MDC1: variants seen among roughly 807,000 people sequenced by gnomAD.
MDC1 encodes mediator of DNA damage checkpoint protein 1.
In MDC1, 81 loss-of-function variants were observed where a neutral mutation model predicts 142.5. The observed-to-expected ratio is 0.57, with a 90% CI of 0.47 to 0.68. The LOEUF (loss-of-function observed/expected upper bound fraction) is 0.68, where lower values mean the gene tolerates loss of function less well. Among genes scored for constraint, MDC1 ranks in the 30% least tolerant of loss-of-function variants. The probability of loss-of-function intolerance (pLI) is 0.00; values close to 1 mark genes in which losing one functional copy is unlikely to be tolerated. For synonymous variants in MDC1, 797 were observed against 968.4 expected (o/e 0.82, Z 3.29); for missense variants, 2,119 against 2,547.9 (o/e 0.83, Z 3.62).
chr6:30,717,189 T>G (rs1775761654), intron 1 of MDC1, 56 bp downstream of exon 1: 1 of 152,260 alleles, frequency 6.6e-6, no homozygotes, highest in Non-Finnish European at 1.5e-5. Context: ...CCTCCCGCCT[T>G]CTGGGGGAAC....
chr6:30,712,316 CT>C lies in MDC1; in HGVS notation c.1625del (p.Gln542ArgfsTer12). On this transcript the variant is annotated frameshift_variant, in exon 5 of 15. Coordinates refer to ENST00000376406, the MANE Select transcript of MDC1 (RefSeq NM_014641.3). LOFTEE classifies it high-confidence loss of function. This position sits in a 1 kb window ranked among gnomAD's most constrained non-coding sequence, Gnocchi z 4.7. Reference protein sequence around the residue: ...GSAIIHIKKHQVSVEGTNQTD... With the variant: ...GSAIIHIKKHXVSVEGTNQTD... ...TTTGATTTGTCCCCTCCACAGACAC[CT>C]GATGCTTCTTTATATGTATAATGGC... The C allele has an allele frequency of 6.2e-7, 1 of 1,613,116 alleles. No homozygotes were observed. Among genetic ancestry groups the C allele is most frequent in the Non-Finnish European group, 8.5e-7 (1 of 1,180,046 alleles).
rs1432503110 is a variant in MDC1, at chr6:30,714,121, G to T, written c.199C>A (p.Pro67Thr). 3 of 1,612,264 alleles carry T rather than the reference G, an allele frequency of 1.9e-6. No individual in the cohort carries two copies. Among genetic ancestry groups the T allele is most frequent in the South Asian group, 1.1e-5 (1 of 91,070 alleles). ...GRMPDCSVAL[P>T]FPSISKQHAE... ...TGTTGTTTGGAGATAGATGGAAAGG[G>T]CAGGGCCACAGAGCAGTCAGGCATT... The change falls in exon 3 of 15, where the codon CCC becomes ACC. Residue 67 changes from proline (P) to threonine (T), a missense_variant. Physicochemically the swap from Pro to Thr is conservative, Grantham distance 38 (BLOSUM62 -1). Transcript: ENST00000376406.
Position 30,716,836 on chromosome 6 carries a change from G to A in MDC1, c.-4+409C>T, listed in dbSNP as rs1775730414. 3 of 916,262 alleles carry A rather than the reference G, an allele frequency of 3.3e-6. No homozygotes were observed. In the South Asian group the frequency reaches 1.5e-4, roughly 46 times the overall value. 56.8% of individuals were successfully genotyped at this position (916,262 alleles called of 1,614,324 possible). On this transcript the variant is annotated intron_variant, in intron 1 of 14. Coordinates refer to ENST00000376406, the MANE Select transcript of MDC1 (RefSeq NM_014641.3). The surrounding 1 kb of genome is among the most constrained non-coding windows in gnomAD (Gnocchi z 4.4). ...AAGGCTCATCACCGAGCCTACTGAT[G>A]AAGGAACAAATGAGATGGAAAGAAA... is the stretch of plus-strand genomic sequence containing the variant.
At chr6:30,711,357 GA>G (rs899025991) in intron 7 of MDC1, 54 bp downstream of exon 7, 13 of 1,486,504 alleles carry the variant, frequency 8.7e-6, no homozygotes, top group Non-Finnish European at 1.2e-5. Context: ...AGTGACAGAG[GA>G]AAAAAAAGAG....
Position 30,715,430 on chromosome 6 carries a change from C to T in MDC1, c.-3-252G>A, listed in dbSNP as rs751337693. Among the ~76,000 whole-genome samples, 9 of 152,164 alleles carry T rather than the reference C, an allele frequency of 5.9e-5. No homozygotes were observed. The highest frequency in any genetic ancestry group is 1.7e-4 in the African/African-American group (7 of 41,424). On this transcript the variant is annotated intron_variant, in intron 1 of 14. Coordinates refer to ENST00000376406, the MANE Select transcript of MDC1 (RefSeq NM_014641.3). This position sits in a 1 kb window ranked among gnomAD's most constrained non-coding sequence, Gnocchi z 4.1. ...TGGGCCCACGGCAACCTCTGCCTCC[C>T]GGGTTTCAAGCAATTCTCTCACCTC...
Position 30,714,111 on chromosome 6 carries a change from G to A in MDC1, c.209C>T (p.Ser70Phe). ...AATCTCTGCATGTTGTTTGGAGATAGATGGAAAGGGCAGGGCCACAGAGCA... is the reference window on the plus strand; with the variant it reads ...AATCTCTGCATGTTGTTTGGAGATAAATGGAAAGGGCAGGGCCACAGAGCA... ...PDCSVALPFP[S>F]ISKQHAEIEI... The change falls in exon 3 of 15, where the codon TCT becomes TTT. Residue 70 changes from serine to phenylalanine, a missense_variant. Transcript: ENST00000376406. The A allele has an allele frequency of 6.2e-7, 1 of 1,612,632 alleles. No individual in the cohort carries two copies. The highest frequency in any genetic ancestry group is 1.1e-5 in the South Asian group (1 of 91,074).
At position 30,704,565 on chromosome 6, in the gene MDC1, A is replaced by G. The variant is rs3130645; in HGVS notation, c.4618T>C (p.Ser1540Pro). ...VVPAAPELQP[S>P]TSTDQPVTPE... Reference sequence around the variant, plus strand: ...GTGACAGGTTGGTCTGTGGAGGTGGAAGGCTGGAGCTCAGGGGCTGCGGGC... The same window carrying G: ...GTGACAGGTTGGTCTGTGGAGGTGGGAGGCTGGAGCTCAGGGGCTGCGGGC... The change falls in exon 10 of 15, where the codon TCC (serine) becomes CCC (proline). Residue 1540 changes from serine (S) to proline (P), a missense_variant. Physicochemically the swap from Ser to Pro is moderately conservative, Grantham distance 74. Coordinates refer to ENST00000376406, the MANE Select transcript of MDC1 (RefSeq NM_014641.3). The G allele has an allele frequency of 0.072, 115,921 of 1,609,282 alleles. 6,459 individuals are homozygous for G. Among genetic ancestry groups the G allele is most frequent in the African/African-American group, 0.29 (21,293 of 73,782 alleles).
At chr6:30,714,874 G>A (rs1775439203) in intron 2 of MDC1, among the ~76,000 whole-genome samples, 166 bp downstream of exon 2, 1 of 151,700 alleles carries the variant, frequency 6.6e-6, no homozygotes, top group Non-Finnish European at 1.5e-5. Context: ...TGAGTCCAGG[G>A]TAGTAGTCTG....
In MDC1 at chr6:30,708,038, T is replaced by C; in HGVS notation, c.2541A>G (p.Thr847=). 1 of 1,613,116 alleles carries C rather than the reference T, an allele frequency of 6.2e-7. No individual in the cohort carries two copies. The highest frequency in any genetic ancestry group is 8.5e-7 in the Non-Finnish European group (1 of 1,180,020). The change falls in exon 8 of 15, where the codon ACA becomes ACG. Residue 847 remains threonine (T), a synonymous_variant. Transcript: ENST00000376406. ...TCCCCTTGGTTAATTCTTCCTCTCC[T>C]GTCACATCTGTCTGTCTTTCTGGTA... ...KLLPERQTDV[T]GEEELTKGKQ...
rs1340750587 is a variant in MDC1 at position 30,705,199 on chromosome 6, T to C, written c.3984A>G (p.Thr1328=). The change falls in exon 10 of 15, where the codon ACA becomes ACG. Residue 1328 remains threonine, a synonymous_variant. Coordinates refer to ENST00000376406, the MANE Select transcript of MDC1 (RefSeq NM_014641.3). ...SVKTPETVVP[T]APELQISTST... ...AGGTGGAAATCTGGAGCTCAGGGGCTGTGGGGACAACTGTTTCAGGGGTCT... is the reference window on the plus strand; with the variant it reads ...AGGTGGAAATCTGGAGCTCAGGGGCCGTGGGGACAACTGTTTCAGGGGTCT... 5 of 1,593,390 alleles carry C rather than the reference T, an allele frequency of 3.1e-6. No individual in the cohort carries two copies. Among genetic ancestry groups the C allele is most frequent in the Non-Finnish European group, 4.3e-6 (5 of 1,170,934 alleles).
At position 30,715,281 on chromosome 6, in the gene MDC1, C is replaced by A. The variant is rs115280377; in HGVS notation, c.-3-103G>T. On this transcript the variant is annotated intron_variant, in intron 1 of 14. Transcript: ENST00000376406. The surrounding 1 kb of genome is among the most constrained non-coding windows in gnomAD (Gnocchi z 4.1). ...AGGGGGTAAACTGGATCATTATGAA[C>A]GTTGATGCTTCTCTTTCCACCAATC... 4 of 1,202,260 alleles carry A rather than the reference C, an allele frequency of 3.3e-6. No individual in the cohort carries two copies. The highest frequency in any genetic ancestry group is 1.9e-5 in the Admixed American group (1 of 53,558). The allele number at this position is 1,202,260 out of a possible 1,614,324, so 74.5% of individuals were successfully genotyped here. A position where few individuals can be genotyped will look rare whatever the true frequency, so the allele number is the denominator to read the frequency against.
rs1320293478 is a variant in MDC1, at chr6:30,713,350, C to T, written c.592G>A (p.Glu198Lys). Residue 198 changes from glutamate to lysine, a missense_variant, in exon 5 of 15, where the codon GAA becomes AAA. By Grantham distance (56) the Glu-to-Lys change is moderately conservative. Transcript: ENST00000376406. The surrounding 1 kb of genome is among the most constrained non-coding windows in gnomAD (Gnocchi z 4.9). Reference protein sequence around the residue: ...SSSVIVPESDEEGHSPVLGGL... With the variant: ...SSSVIVPESDKEGHSPVLGGL... The stretch of plus-strand genomic sequence containing the variant: ...CCCAGGACCGGGGAATGCCCCTCTT[C>T]ATCACTGTGAAGGGAAGAAAAGAGA... The T allele has an allele frequency of 6.4e-7, 1 of 1,571,654 alleles. No individual in the cohort carries two copies. The highest frequency in any genetic ancestry group is 2.2e-5 in the East Asian group (1 of 44,588).
At chr6:30,706,431 C>G (rs1773832651) in intron 9 of MDC1, among the ~76,000 whole-genome samples, 1 of 151,974 alleles carries the variant, frequency 6.6e-6, no homozygotes, top group Admixed American at 6.6e-5. Flanking sequence ...ACCATCCTGG[C>G]TAACACGGTG....
chr6:30,713,220 G>C lies in MDC1; in HGVS notation c.722C>G (p.Ala241Gly). Residue 241 changes from alanine (A) to glycine (G), a missense_variant, in exon 5 of 15, where the codon GCC (alanine) becomes GGC (glycine). By Grantham distance (60) the Ala-to-Gly change is moderately conservative. Transcript: ENST00000376406. This position sits in a 1 kb window ranked among gnomAD's most constrained non-coding sequence, Gnocchi z 4.9. ...EEASSAARRG[A>G]TVEAKQSEAE... ...TTCAGACTGCTTTGCCTCTACAGTG[G>C]CACCTCTTCTGGCAGCTGAGGAGGC... The C allele has an allele frequency of 6.2e-7, 1 of 1,613,084 alleles. No individual in the cohort carries two copies. Among genetic ancestry groups the C allele is most frequent in the Non-Finnish European group, 8.5e-7 (1 of 1,180,012 alleles).
rs546492252 is a variant in MDC1, at chr6:30,703,197, G to A, written c.5772C>T (p.Ser1924=). 5.6e-6 allele frequency: 9 copies of A among 1,613,046 alleles called. No homozygotes were observed. In the East Asian group the frequency reaches 2.0e-4, roughly 36 times the overall value. The change falls in exon 12 of 15, where the codon TCC becomes TCT. Residue 1924 remains serine (S), a synonymous_variant. Transcript: ENST00000376406. The surrounding 1 kb of genome is among the most constrained non-coding windows in gnomAD (Gnocchi z 4.4). ...GGCGGATGCGATCAGTGACCAGGTG[G>A]GAAGCCTCTGCCGCTGAACCAGCCA... is the stretch of plus-strand genomic sequence containing the variant. ...GSLAGSAAEA[S]HLVTDRIRRT...
At position 30,700,357 on chromosome 6, in the gene MDC1, T is replaced by A; in HGVS notation, c.*108A>T. The A allele has an allele frequency of 8.7e-7, 1 of 1,153,796 alleles. No individual in the cohort carries two copies. Among genetic ancestry groups the A allele is most frequent in the Non-Finnish European group, 1.2e-6 (1 of 844,762 alleles). The allele number at this position is 1,153,796 out of a possible 1,614,324, so 71.5% of individuals were successfully genotyped here. ...TAAAGATTTCTGGTCCCACCCATGT[T>A]CCAGGACAAGTTGTATCAATATACC... is the stretch of plus-strand genomic sequence containing the variant. On this transcript the variant is annotated 3_prime_UTR_variant, in exon 15 of 15. Transcript: ENST00000376406.
rs1490752531 is a variant in MDC1 at position 30,709,717 on chromosome 6, T to G, written c.2222-1360A>C. On this transcript the variant is annotated intron_variant, in intron 7 of 14. Transcript: ENST00000376406. This position sits in a 1 kb window ranked among gnomAD's most constrained non-coding sequence, Gnocchi z 4.2. ...ACCACCATTCTACTCTCTACTTCCATGAGATCCATGTTTTTAGCTCCCACA... is the reference window on the plus strand; with the variant it reads ...ACCACCATTCTACTCTCTACTTCCAGGAGATCCATGTTTTTAGCTCCCACA... 1.3e-5 allele frequency among the ~76,000 whole-genome samples: 2 copies of G among 152,272 alleles called. No homozygotes were observed. The highest frequency in any genetic ancestry group is 2.9e-5 in the Non-Finnish European group (2 of 68,008).
intron 14 of MDC1, among the ~76,000 whole-genome samples, chr6:30,702,256 C>CAAAAAAAA (rs57764077): frequency 3.0e-4 from 18 of 59,126 alleles, no homozygotes; most frequent in African/African-American, 7.5e-4. Flanking sequence ...GACTCCATCT[C>CAAAAAAAA]AAAAAAAAAA....
In MDC1 at chr6:30,702,851, G is replaced by C; in HGVS notation, c.5892C>G (p.Pro1964=). 1 of 1,613,098 alleles carries C rather than the reference G, an allele frequency of 6.2e-7. No homozygotes were observed. The highest frequency in any genetic ancestry group is 1.7e-5 in the Admixed American group (1 of 60,022). Residue 1964 remains proline, a synonymous_variant, in exon 13 of 15, where the codon CCC becomes CCG. Transcript: ENST00000376406. ...GGTCGGTCACCACATATTCATCCGG[G>C]GGTAAGAAGAAACCAGCCTTGCGGG... ...HQSRKAGFFL[P]PDEYVVTDPE...
Sources: gnomAD v4.1 joint callset for allele counts (sites outside exome capture counted in the v4.1 genomes callset) on GRCh38, gnomAD v4.1.1 for gene constraint, Gnocchi (gnomAD v3.1) non-coding constraint, MANE v1.5 for transcripts, NCBI Gene and HGNC (gene_info 2026-07-23, HGNC 2026-07-21) for gene names.